BTAF1: variants seen among roughly 807,000 people sequenced by gnomAD.
The protein encoded by BTAF1 is TATA-binding protein-associated factor 172.
A neutral mutation model predicts 227.1 loss-of-function variants in BTAF1; 38 were observed. That is an observed-to-expected ratio of 0.17 (90% confidence interval 0.13 to 0.22). The LOEUF (loss-of-function observed/expected upper bound fraction) is 0.22, where lower values mean the gene tolerates loss of function less well. BTAF1 is among the 10% of genes least tolerant of loss of function. The pLI is 1.00. For missense variants in BTAF1, 1,598 were observed against 2,204.0 expected (o/e 0.73, Z 5.51); for synonymous variants, 742 against 751.9 (o/e 0.99, Z 0.21).
intron 20 of BTAF1, among the ~76,000 whole-genome samples, chr10:91,991,840 T>TAC (rs1361682128): frequency 1.4e-5 from 2 of 143,852 alleles, no homozygotes; most frequent in Admixed American, 6.9e-5. Context: ...TATACACACA[T>TAC]ATATACACAC....
At chr10:91,948,053 C>G (rs1332160478) in intron 4 of BTAF1, among the ~76,000 whole-genome samples, 1 of 152,028 alleles carries the variant, frequency 6.6e-6, no homozygotes, top group East Asian at 1.9e-4. Flanking sequence ...TACATGTGCA[C>G]AACGTGCAGG....
chr10:92,019,627 A>G (rs115787141), intron 34 of BTAF1, among the ~76,000 whole-genome samples: 110 of 152,280 alleles, frequency 7.2e-4, no homozygotes, highest in African/African-American at 2.5e-3. Flanking sequence ...CCCACCAGCA[A>G]TGTACCAGGG....
chr10:91,929,832 G>C (rs1467214597), intron 1 of BTAF1, among the ~76,000 whole-genome samples: 1 of 151,990 alleles, frequency 6.6e-6, no homozygotes, highest in Non-Finnish European at 1.5e-5. Flanking sequence ...GGGATTACAA[G>C]CATGAGCCAC....
At chr10:92,002,260 C>T (rs1199176290) in intron 25 of BTAF1, among the ~76,000 whole-genome samples, 1 of 152,104 alleles carries the variant, frequency 6.6e-6, no homozygotes, top group Non-Finnish European at 1.5e-5. Context: ...TTTTGATTCT[C>T]TCTGTTAAGT....
chr10:91,943,705 TC>T, intron 4 of BTAF1, among the ~76,000 whole-genome samples: 1 of 152,322 alleles, frequency 6.6e-6, no homozygotes, highest in East Asian at 1.9e-4. Context: ...GTAAAACTCT[TC>T]AAAATCTTTT....
Position 91,991,838 on chromosome 10 carries a change from C to CACACACACAT in BTAF1, c.2855-280_2855-279insCACACACATA, listed in dbSNP as rs1554860585. Among the ~76,000 whole-genome samples, 272 of 145,922 alleles carry CACACACACAT rather than the reference C, an allele frequency of 1.9e-3. 2 individuals are homozygous for CACACACACAT. Among genetic ancestry groups the CACACACACAT allele is most frequent in the African/African-American group, 6.2e-3 (240 of 38,794 alleles). ...ATATATATATATATATATATACACA[C>CACACACACAT]ATATATACACACACAAACACATTAA... On this transcript the variant is annotated intron_variant, in intron 20 of 37. Transcript: ENST00000265990.
At chr10:91,952,160 TTGTGTGTGTG>T (rs143124844) in intron 5 of BTAF1, among the ~76,000 whole-genome samples, 3 of 148,500 alleles carry the variant, frequency 2.0e-5, no homozygotes, top group African/African-American at 4.9e-5. Flanking sequence ...GTGTGTGTGT[TTGTGTGTGTG>T]TGTGTGTGTG....
chr10:91,985,786 A>G (rs548306355), intron 19 of BTAF1, among the ~76,000 whole-genome samples: 14 of 152,220 alleles, frequency 9.2e-5, no homozygotes, highest in African/African-American at 3.4e-4. Flanking sequence ...TCTTTTCAAA[A>G]TCTTGTCTAC....
chr10:91,986,406 T>C (rs1848395013), intron 19 of BTAF1, among the ~76,000 whole-genome samples: 1 of 152,194 alleles, frequency 6.6e-6, no homozygotes, highest in Non-Finnish European at 1.5e-5. Flanking sequence ...CTTTTTTGAG[T>C]TATAGGATCA....
chr10:92,003,134 C>A (rs1321633648), intron 25 of BTAF1, among the ~76,000 whole-genome samples: 1 of 141,338 alleles, frequency 7.1e-6, no homozygotes, highest in Non-Finnish European at 1.5e-5. Flanking sequence ...CCAGCTTGGG[C>A]GACAGAGTGA....
At chr10:91,948,876 G>T (rs1170205460) in intron 4 of BTAF1, among the ~76,000 whole-genome samples, 1 of 152,100 alleles carries the variant, frequency 6.6e-6, no homozygotes, top group Admixed American at 6.6e-5. Flanking sequence ...CTCCCAGACG[G>T]TTGGGATTAC....
At chr10:91,968,067 G>A (rs1847046286) in intron 14 of BTAF1, among the ~76,000 whole-genome samples, 1 of 152,148 alleles carries the variant, frequency 6.6e-6, no homozygotes, top group African/African-American at 2.4e-5. Flanking sequence ...ACACTTTACA[G>A]TAGGGTTCGT....
At chr10:91,997,408 T>A (rs1238830719) in intron 24 of BTAF1, among the ~76,000 whole-genome samples, 195 bp from the exon 25 acceptor site, 2 of 152,212 alleles carry the variant, frequency 1.3e-5, no homozygotes, top group Non-Finnish European at 2.9e-5. Flanking sequence ...GAAAGTTACA[T>A]AATATTTTCC....
At chr10:91,943,202 T>A (rs1845133032) in intron 4 of BTAF1, among the ~76,000 whole-genome samples, 1 of 152,050 alleles carries the variant, frequency 6.6e-6, no homozygotes, top group Non-Finnish European at 1.5e-5. Flanking sequence ...TAATGCCAGC[T>A]ACCCGTGAGG....
At chr10:91,985,852 G>A (rs948570376) in intron 19 of BTAF1, among the ~76,000 whole-genome samples, 2 of 152,068 alleles carry the variant, frequency 1.3e-5, no homozygotes, top group Non-Finnish European at 2.9e-5. Context: ...ATGTATCCTG[G>A]ATTCCAATCC....
Position 91,984,411 on chromosome 10 carries a change from A to C in BTAF1, c.2427+7A>C. On this transcript the variant is annotated splice_region_variant and intron_variant, in intron 19 of 37. Coordinates refer to ENST00000265990, the MANE Select transcript of BTAF1 (RefSeq NM_003972.3). ...AGATCAAGCTAGTGACTTGGTGAGTAAAGAAATAACTTTCTTAATTAGAGA... is the reference window on the plus strand; with the variant it reads ...AGATCAAGCTAGTGACTTGGTGAGTCAAGAAATAACTTTCTTAATTAGAGA... 1 of 1,595,094 alleles carries C rather than the reference A, an allele frequency of 6.3e-7. No individual in the cohort carries two copies. Among genetic ancestry groups the C allele is most frequent in the Non-Finnish European group, 8.6e-7 (1 of 1,169,160 alleles).
intron 14 of BTAF1, among the ~76,000 whole-genome samples, chr10:91,977,123 G>A (rs532152307): frequency 6.6e-6 from 1 of 152,304 alleles, no homozygotes; most frequent in East Asian, 1.9e-4. Context: ...CACTAAATAA[G>A]TGACAGGAAG....
At chr10:91,969,496 T>C (rs1157995874) in intron 14 of BTAF1, among the ~76,000 whole-genome samples, 1 of 152,190 alleles carries the variant, frequency 6.6e-6, no homozygotes, top group Non-Finnish European at 1.5e-5. Flanking sequence ...TGTGGGAATA[T>C]TGAGATACAT....
chr10:91,924,838 G>C (rs1843720744), intron 1 of BTAF1, among the ~76,000 whole-genome samples: 1 of 152,222 alleles, frequency 6.6e-6, no homozygotes, highest in East Asian at 1.9e-4. Flanking sequence ...GCTTTTGTAA[G>C]CGGAATTTGG....
Sources: gnomAD v4.1 joint callset for allele counts (sites outside exome capture counted in the v4.1 genomes callset) on GRCh38, gnomAD v4.1.1 for gene constraint, MANE v1.5 for transcripts, NCBI Gene and HGNC (gene_info 2026-07-23, HGNC 2026-07-21) for gene names.